The following ASIC2 variants were observed in gnomAD, a reference collection of about 807,000 sequenced individuals.
ASIC2 encodes the protein acid-sensing ion channel 2.
Under a neutral mutation model 57.3 loss-of-function variants are expected in ASIC2, and 25 were observed. The observed-to-expected ratio is 0.44, with a 90% CI of 0.32 to 0.61. The LOEUF is 0.61. ASIC2 is among the 20% of genes least tolerant of loss of function. The probability of loss-of-function intolerance (pLI) is 0.06; values close to 1 mark genes in which losing one functional copy is unlikely to be tolerated. For synonymous variants in ASIC2, 319 were observed against 307.5 expected, an observed-to-expected ratio of 1.04 and a Z score of -0.39; for missense variants, 641 against 738.1, an observed-to-expected ratio of 0.87 and a Z score of 1.52.
At chr17:33,881,359 A>G (rs1368166356) in intron 1 of ASIC2, among the ~76,000 whole-genome samples, 1 of 152,082 alleles carries the variant, frequency 6.6e-6, no homozygotes, top group Non-Finnish European at 1.5e-5. Context: ...TATCTAGAAA[A>G]CCCCATCGTC....
chr17:34,058,271 A>G (rs539252221), intron 1 of ASIC2, among the ~76,000 whole-genome samples: 4 of 152,328 alleles, frequency 2.6e-5, no homozygotes, highest in Non-Finnish European at 5.9e-5. Flanking sequence ...TGAGGGTTCA[A>G]TGATACTGAA....
intron 1 of ASIC2, among the ~76,000 whole-genome samples, chr17:33,921,611 A>G (rs1377423463): frequency 6.6e-6 from 1 of 152,096 alleles, no homozygotes; most frequent in Non-Finnish European, 1.5e-5. Flanking sequence ...GTGCACGTGG[A>G]GAATTCCATA....
chr17:33,921,383 T>C (rs1460591812), intron 1 of ASIC2, among the ~76,000 whole-genome samples: 2 of 152,232 alleles, frequency 1.3e-5, no homozygotes, highest in Non-Finnish European at 2.9e-5. Flanking sequence ...GGAAAACATA[T>C]AACTTGTAAT....
At chr17:33,729,629 G>T (rs1909676728) in intron 1 of ASIC2, among the ~76,000 whole-genome samples, 1 of 152,164 alleles carries the variant, frequency 6.6e-6, no homozygotes, top group South Asian at 2.1e-4. Context: ...TCCAAACAAT[G>T]TGATCTGGGC....
intron 1 of ASIC2, among the ~76,000 whole-genome samples, chr17:33,144,334 G>T (rs1036268852): frequency 6.6e-6 from 1 of 152,070 alleles, no homozygotes; most frequent in Non-Finnish European, 1.5e-5. Flanking sequence ...GAACAAGAGT[G>T]GGGGAGAAAG....
intron 1 of ASIC2, among the ~76,000 whole-genome samples, chr17:34,028,635 G>A (rs1907467817): frequency 6.6e-6 from 1 of 152,188 alleles, no homozygotes; most frequent in Admixed American, 6.5e-5. Flanking sequence ...AGTTTCACAA[G>A]AGGACATATC....
At chr17:33,520,183 T>C (rs370396548) in intron 1 of ASIC2, among the ~76,000 whole-genome samples, 15 of 152,132 alleles carry the variant, frequency 9.9e-5, no homozygotes, top group African/African-American at 3.6e-4. Flanking sequence ...ATAAATGCAT[T>C]GTAGTCACAG....
chr17:33,582,461 T>C (rs962400337), intron 1 of ASIC2, among the ~76,000 whole-genome samples: 6 of 152,198 alleles, frequency 3.9e-5, no homozygotes, highest in African/African-American at 1.4e-4. Context: ...GTCTGTTGTC[T>C]GGAGTCTGAG....
intron 1 of ASIC2, among the ~76,000 whole-genome samples, chr17:33,345,416 T>C (rs190816716): frequency 6.2e-4 from 95 of 152,054 alleles, no homozygotes; most frequent in African/African-American, 2.2e-3. Flanking sequence ...GTAAGAAAAA[T>C]GTGAATGGAA....
chr17:33,159,135 C>A (rs192821963), intron 1 of ASIC2, among the ~76,000 whole-genome samples: 1 of 152,230 alleles, frequency 6.6e-6, no homozygotes, highest in Admixed American at 6.5e-5. Context: ...TGATAAATTA[C>A]CATTAGTTTA....
intron 1 of ASIC2, among the ~76,000 whole-genome samples, chr17:34,099,351 G>C (rs1158277956): frequency 1.4e-5 from 2 of 141,652 alleles, no homozygotes; most frequent in African/African-American, 5.3e-5. Flanking sequence ...AGGGAGGGAG[G>C]AAAGAAGGAA....
chr17:33,821,315 T>G (rs1912739963), intron 1 of ASIC2, among the ~76,000 whole-genome samples: 1 of 152,242 alleles, frequency 6.6e-6, no homozygotes. Context: ...TCCATCTTAC[T>G]GGTTCAAAAC....
At chr17:33,151,960 G>A (rs959094258) in intron 1 of ASIC2, among the ~76,000 whole-genome samples, 1 of 152,208 alleles carries the variant, frequency 6.6e-6, no homozygotes, top group African/African-American at 2.4e-5. Context: ...ATATATGAGA[G>A]TTGCTTAATA....
At chr17:33,090,069 G>T (rs1316045660) in intron 2 of ASIC2, among the ~76,000 whole-genome samples, 1 of 152,022 alleles carries the variant, frequency 6.6e-6, no homozygotes, top group East Asian at 1.9e-4. Flanking sequence ...CCCTTCCCTA[G>T]CCTTGTTCTG....
At chr17:33,505,555 C>CT (rs1325019524) in intron 1 of ASIC2, among the ~76,000 whole-genome samples, 2 of 152,194 alleles carry the variant, frequency 1.3e-5, no homozygotes, top group African/African-American at 4.8e-5. Flanking sequence ...TGACCTAAAC[C>CT]TTTTTATGGT....
chr17:33,564,120 C>T (rs1417342854), intron 1 of ASIC2, among the ~76,000 whole-genome samples: 1 of 152,152 alleles, frequency 6.6e-6, no homozygotes, highest in Non-Finnish European at 1.5e-5. Context: ...ATGCCCTGCA[C>T]GGTCTTGCAT....
chr17:33,717,561 G>A (rs1909261263), intron 1 of ASIC2, among the ~76,000 whole-genome samples: 1 of 152,208 alleles, frequency 6.6e-6, no homozygotes, highest in Non-Finnish European at 1.5e-5. Flanking sequence ...TCCGGTCCAG[G>A]CTGGAGCTGG....
intron 1 of ASIC2, among the ~76,000 whole-genome samples, chr17:33,263,009 G>A (rs1406711320): frequency 1.3e-5 from 2 of 152,304 alleles, no homozygotes; most frequent in African/African-American, 2.4e-5. Context: ...ATTCATGGAT[G>A]TTTGCTCCGT....
chr17:33,401,882 T>C (rs1199299259), intron 1 of ASIC2, among the ~76,000 whole-genome samples: 2 of 152,162 alleles, frequency 1.3e-5, no homozygotes, highest in Non-Finnish European at 2.9e-5. Context: ...AATTAAGTTA[T>C]GCGAGGTCTC....
Sources: gnomAD v4.1 joint callset for allele counts (sites outside exome capture counted in the v4.1 genomes callset) on GRCh38, gnomAD v4.1.1 for gene constraint, MANE v1.5 for transcripts, NCBI Gene and HGNC (gene_info 2026-07-23, HGNC 2026-07-21) for gene names.